Variants in GNB1 observed in about 807,000 individuals in gnomAD.
The protein encoded by GNB1 is G protein subunit beta 1.
In GNB1, 2 loss-of-function variants were observed where a neutral mutation model predicts 42.9. The ratio of observed to expected loss-of-function variants is 0.05; its 90% CI spans 0.02 to 0.15. The LOEUF is 0.15. Among genes scored for constraint, GNB1 ranks in the 10% least tolerant of loss-of-function variants. The pLI, the probability that GNB1 is intolerant of heterozygous loss-of-function variation, is 1.00. For missense variants in GNB1, 193 were observed against 462.2 expected (o/e 0.42, Z 5.34); for synonymous variants, 183 against 174.7 (o/e 1.05, Z -0.38).
chr1:1,795,788 G>C (rs1005864422), intron 7 of GNB1, among the ~76,000 whole-genome samples: 1 of 152,128 alleles, frequency 6.6e-6, no homozygotes, highest in Non-Finnish European at 1.5e-5. Flanking sequence ...AGGTCTCAAA[G>C]ATGACCTCTC....
At chr1:1,862,514 T>C (rs2101664751) in intron 1 of GNB1, among the ~76,000 whole-genome samples, 1 of 152,132 alleles carries the variant, frequency 6.6e-6, no homozygotes, top group South Asian at 2.1e-4. Flanking sequence ...TTGCCCAGGC[T>C]GGAGCGGCAC....
chr1:1,810,803 G>A (rs1446368099), intron 5 of GNB1, among the ~76,000 whole-genome samples: 1 of 151,414 alleles, frequency 6.6e-6, no homozygotes, highest in Non-Finnish European at 1.5e-5. Flanking sequence ...GAGTAGCTGG[G>A]ATTACAGGCA....
chr1:1,838,487 C>T (rs1570694647), intron 2 of GNB1, among the ~76,000 whole-genome samples: 1 of 150,716 alleles, frequency 6.6e-6, no homozygotes, highest in Admixed American at 6.6e-5. Context: ...CTCTGTCCCA[C>T]AGGCTGGAGT....
At chr1:1,871,886 C>T (rs1469617167) in intron 1 of GNB1, among the ~76,000 whole-genome samples, 2 of 152,204 alleles carry the variant, frequency 1.3e-5, no homozygotes, top group Non-Finnish European at 2.9e-5. Context: ...TTTCCTTAGT[C>T]TCCATCCTCA....
At chr1:1,793,399 A>C in intron 7 of GNB1, 88 bp from the exon 8 acceptor site, 1 of 809,522 alleles carries the variant, frequency 1.2e-6, no homozygotes. Context: ...GGCCCGGTGG[A>C]AGCTCTACGT....
At chr1:1,798,928 T>TTC (rs1398866624) in intron 7 of GNB1, among the ~76,000 whole-genome samples, 1 of 150,766 alleles carries the variant, frequency 6.6e-6, no homozygotes, top group African/African-American at 2.5e-5. Context: ...AAACACTCTT[T>TTC]TTTTTTTTTT....
At chr1:1,838,944 G>A (rs1464101655) in intron 2 of GNB1, among the ~76,000 whole-genome samples, 2 of 152,070 alleles carry the variant, frequency 1.3e-5, no homozygotes, top group Non-Finnish European at 1.5e-5. Context: ...AAAAGAGATA[G>A]AAAAAAACTG....
At chr1:1,862,345 G>A (rs1017860734) in intron 1 of GNB1, among the ~76,000 whole-genome samples, 3 of 152,184 alleles carry the variant, frequency 2.0e-5, no homozygotes, top group Non-Finnish European at 4.4e-5. Flanking sequence ...GGCTTGTCAG[G>A]TAAATTAGGA....
chr1:1,853,850 A>G (rs969285684), intron 1 of GNB1, among the ~76,000 whole-genome samples: 2 of 152,070 alleles, frequency 1.3e-5, no homozygotes, highest in African/African-American at 4.8e-5. Flanking sequence ...GTAAGCACAA[A>G]TATTTACTTG....
chr1:1,888,603 CA>C, intron 1 of GNB1, among the ~76,000 whole-genome samples: 1 of 152,196 alleles, frequency 6.6e-6, no homozygotes, highest in South Asian at 2.1e-4. Context: ...TTTGGCAGAT[CA>C]AGGCGGGTGA....
chr1:1,852,516 C>T (rs929057898), intron 1 of GNB1, among the ~76,000 whole-genome samples: 9 of 151,934 alleles, frequency 5.9e-5, no homozygotes, highest in Non-Finnish European at 1.0e-4. Context: ...AGGCTCGAGC[C>T]ACGGCGCCCG....
chr1:1,884,491 C>T (rs1331698289), intron 1 of GNB1, among the ~76,000 whole-genome samples: 1 of 152,134 alleles, frequency 6.6e-6, no homozygotes, highest in Non-Finnish European at 1.5e-5. Flanking sequence ...GGTTTACAGG[C>T]ATGAGCCACC....
intron 1 of GNB1, among the ~76,000 whole-genome samples, chr1:1,841,244 A>G (rs1233313177): frequency 2.0e-5 from 3 of 152,104 alleles, no homozygotes; most frequent in African/African-American, 7.2e-5. Context: ...GCTGGAGTGC[A>G]GTGGCATGAT....
intron 8 of GNB1, among the ~76,000 whole-genome samples, chr1:1,792,694 C>CT (rs1461264979): frequency 9.5e-6 from 1 of 104,808 alleles, no homozygotes; most frequent in Non-Finnish European, 1.9e-5. Flanking sequence ...GAGACTCTAT[C>CT]TCAAAAAAAA....
rs1646660998 is a variant in GNB1 at position 1,803,992 on chromosome 1, A to G, written c.430+427T>C. Among the ~76,000 whole-genome samples, 3 of 105,902 alleles carry G rather than the reference A, an allele frequency of 2.8e-5. No individual in the cohort carries two copies. In the East Asian group the frequency reaches 7.9e-4, roughly 28 times the overall value. 69.5% of individuals were successfully genotyped at this position (105,902 alleles called of 152,430 possible). A position where few individuals can be genotyped will look rare whatever the true frequency, so the allele number is the denominator to read the frequency against. On this transcript the variant is annotated intron_variant, in intron 7 of 11. Transcript: ENST00000378609. ...GTGAGACTCTGTCTTTAAAAAAAAA[A>G]AAAAAAAAAAAGAAAAAAAGGCTGG...
chr1:1,798,319 CG>C (rs1216099162), intron 7 of GNB1, among the ~76,000 whole-genome samples: 1 of 152,150 alleles, frequency 6.6e-6, no homozygotes, highest in Non-Finnish European at 1.5e-5. Context: ...GCAGGGTTTA[CG>C]GGGAGACAAC....
chr1:1,815,128 A>AG (rs1485351140), intron 5 of GNB1, among the ~76,000 whole-genome samples: 1 of 151,860 alleles, frequency 6.6e-6, no homozygotes, highest in East Asian at 1.9e-4. Flanking sequence ...AAAAAAAAAA[A>AG]AGAGAAAAGA....
intron 1 of GNB1, among the ~76,000 whole-genome samples, chr1:1,863,533 C>A (rs769457537): frequency 1.3e-5 from 2 of 152,134 alleles, no homozygotes; most frequent in Non-Finnish European, 2.9e-5. Context: ...ACTTAGGAGA[C>A]CTAACTGCCT....
intron 3 of GNB1, among the ~76,000 whole-genome samples, chr1:1,819,732 G>T (rs866006556): frequency 4.0e-5 from 6 of 151,268 alleles, no homozygotes; most frequent in Middle Eastern, 3.4e-3. Context: ...GTAGAGATGG[G>T]GATCTCGTCA....
Sources: gnomAD v4.1 joint callset for allele counts (sites outside exome capture counted in the v4.1 genomes callset) on GRCh38, gnomAD v4.1.1 for gene constraint, MANE v1.5 for transcripts, NCBI Gene and HGNC (gene_info 2026-07-23, HGNC 2026-07-21) for gene names.